The following ANKFN1 variants were observed in gnomAD, a reference collection of about 807,000 sequenced individuals.
ANKFN1 encodes ankyrin repeat and fibronectin type-III domain-containing protein 1.
In ANKFN1, 74 loss-of-function variants were observed where a neutral mutation model predicts 108.7. The observed-to-expected ratio is 0.68, with a 90% CI of 0.56 to 0.83. ANKFN1 has a LOEUF of 0.83. Among genes scored for constraint, ANKFN1 ranks in the 40% least tolerant of loss-of-function variants. The pLI is 0.00. For synonymous variants in ANKFN1, 547 were observed against 516.2 expected, an observed-to-expected ratio of 1.06 and a Z score of -0.81; for missense variants, 1,505 against 1,382.3, an observed-to-expected ratio of 1.09 and a Z score of -1.41.
At chr17:56,296,743 G>T (rs1296349460) in intron 3 of ANKFN1, among the ~76,000 whole-genome samples, 1 of 152,130 alleles carries the variant, frequency 6.6e-6, no homozygotes, top group African/African-American at 2.4e-5. Context: ...AAGCGCATGA[G>T]CTTTGGAGTC....
intron 4 of ANKFN1, among the ~76,000 whole-genome samples, chr17:56,089,387 A>C (rs930185901): frequency 6.6e-6 from 1 of 151,440 alleles, no homozygotes; most frequent in African/African-American, 2.4e-5. Context: ...ATGTCCTTGC[A>C]CTTGATTCTA....
chr17:56,102,615 C>T (rs1905668266), intron 4 of ANKFN1, among the ~76,000 whole-genome samples: 1 of 139,120 alleles, frequency 7.2e-6, no homozygotes, highest in Non-Finnish European at 1.5e-5. Context: ...GAAAAATGCC[C>T]AAGCCCTTCC....
chr17:56,399,556 T>C (rs376952887), intron 8 of ANKFN1, among the ~76,000 whole-genome samples: 25 of 151,924 alleles, frequency 1.6e-4, no homozygotes, highest in Admixed American at 5.3e-4. Flanking sequence ...TAGTGATTTG[T>C]GAGATTTTAG....
rs112757813 is a variant in ANKFN1 at position 56,084,508 on chromosome 17, T to C, written c.288+38183T>C. On this transcript the variant is annotated intron_variant, in intron 4 of 12. Transcript: ENST00000635860. ...GGGAGAGGCCCTCTTAGTTCTGAGG[T>C]GACTGAGCCTCTATCGTGTGGGCTG... Among the ~76,000 whole-genome samples, 445 of 151,400 alleles carry C rather than the reference T, an allele frequency of 2.9e-3. 9 individuals carry two copies. Among genetic ancestry groups the C allele is most frequent in the African/African-American group, 0.01 (423 of 41,324 alleles).
intron 3 of ANKFN1, among the ~76,000 whole-genome samples, chr17:56,267,210 G>T (rs8067881): frequency 0.022 from 3,392 of 152,162 alleles, 121 homozygotes; most frequent in African/African-American, 0.077. Context: ...TGTGTGTTGC[G>T]GCAAAGGACA....
chr17:56,153,634 G>T, intron 1 of ANKFN1, 104 bp downstream of exon 1: 3 of 1,465,606 alleles, frequency 2.0e-6, no homozygotes, highest in South Asian at 2.3e-5. Context: ...GTGAATTCGG[G>T]CGTTAGCTGG....
chr17:56,474,278 G>C (rs2050425286), intron 15 of ANKFN1, among the ~76,000 whole-genome samples: 1 of 152,158 alleles, frequency 6.6e-6, no homozygotes, highest in South Asian at 2.1e-4. Flanking sequence ...TATTCAGCTT[G>C]TTAAAAGCAA....
intron 4 of ANKFN1, among the ~76,000 whole-genome samples, chr17:56,339,276 T>C (rs1178039551): frequency 1.3e-5 from 2 of 152,062 alleles, no homozygotes; most frequent in African/African-American, 4.8e-5. Flanking sequence ...TATTTTATAT[T>C]TTTCTGTATA....
intron 8 of ANKFN1, among the ~76,000 whole-genome samples, chr17:56,436,890 A>G (rs2048949664): frequency 6.6e-6 from 1 of 151,068 alleles, no homozygotes; most frequent in Non-Finnish European, 1.5e-5. Context: ...ACTCCTGCTC[A>G]CTCTGTTTCC....
intron 4 of ANKFN1, among the ~76,000 whole-genome samples, chr17:56,131,285 T>TATAG (rs1343988654): frequency 1.3e-5 from 2 of 152,234 alleles, no homozygotes; most frequent in Non-Finnish European, 2.9e-5. Context: ...ACTGTATCTG[T>TATAG]ATAGCCTCAA....
intron 4 of ANKFN1, among the ~76,000 whole-genome samples, chr17:56,142,843 C>T (rs999930086): frequency 1.6e-4 from 25 of 152,220 alleles, no homozygotes; most frequent in East Asian, 5.8e-4. Flanking sequence ...CTCTCCAATG[C>T]GAACTAACTT....
At chr17:56,294,405 C>T (rs2044451537) in intron 3 of ANKFN1, among the ~76,000 whole-genome samples, 1 of 152,194 alleles carries the variant, frequency 6.6e-6, no homozygotes, top group African/African-American at 2.4e-5. Flanking sequence ...ACAGGCCACA[C>T]CATAATTCAG....
chr17:56,462,596 C>A (rs2049942350), intron 14 of ANKFN1, among the ~76,000 whole-genome samples: 4 of 151,670 alleles, frequency 2.6e-5, no homozygotes, highest in Non-Finnish European at 5.9e-5. Flanking sequence ...CTCTGTCTCA[C>A]AAAAAAATAA....
chr17:56,403,914 CAT>C (rs1432371376), intron 8 of ANKFN1, among the ~76,000 whole-genome samples: 1 of 152,048 alleles, frequency 6.6e-6, no homozygotes. Context: ...ATCTTTCCTT[CAT>C]ATATGATGCT....
chr17:56,436,647 T>G (rs2145142026), intron 8 of ANKFN1, among the ~76,000 whole-genome samples: 1 of 151,992 alleles, frequency 6.6e-6, no homozygotes, highest in Admixed American at 6.6e-5. Flanking sequence ...CTGACTAACA[T>G]GATGAAACCC....
intron 1 of ANKFN1, chr17:56,207,077 C>A (rs1914603281): frequency 6.6e-6 from 1 of 152,166 alleles, no homozygotes; most frequent in East Asian, 1.9e-4. Flanking sequence ...CCCAGAGTTT[C>A]AATCTTGTTC....
At chr17:56,303,201 A>G (rs1481967142) in intron 3 of ANKFN1, among the ~76,000 whole-genome samples, 1 of 152,206 alleles carries the variant, frequency 6.6e-6, no homozygotes, top group Non-Finnish European at 1.5e-5. Context: ...ATTAGACTTG[A>G]GGTAAAATCA....
intron 4 of ANKFN1, among the ~76,000 whole-genome samples, chr17:56,124,950 A>C (rs546693106): frequency 6.6e-6 from 1 of 152,296 alleles, no homozygotes. Flanking sequence ...CCTGGGGCTA[A>C]CATTTTGGTT....
intron 5 of ANKFN1, 148 bp downstream of exon 5, chr17:56,351,115 T>A (rs2046237031): frequency 1.4e-6 from 1 of 724,984 alleles, no homozygotes; most frequent in African/African-American, 1.8e-5. Flanking sequence ...GGGTAGTAAC[T>A]GTACATATTT....
Sources: allele counts gnomAD v4.1 joint callset (sites outside exome capture counted in the v4.1 genomes callset), GRCh38; gene constraint gnomAD v4.1.1; transcripts MANE v1.5; gene names NCBI Gene and HGNC (gene_info 2026-07-23, HGNC 2026-07-21).